RAPGEF2: variants seen among roughly 807,000 people sequenced by gnomAD.
The protein encoded by RAPGEF2 is PDZ domain containing guanine nucleotide exchange factor (GEF) 1.
Under a neutral mutation model 186.7 loss-of-function variants are expected in RAPGEF2, and 54 were observed. That is an observed-to-expected ratio of 0.29 (90% CI 0.23 to 0.36). RAPGEF2 has a LOEUF of 0.36. RAPGEF2 is among the 10% of genes least tolerant of loss of function. The probability of loss-of-function intolerance (pLI) is 1.00; values close to 1 mark genes in which losing one functional copy is unlikely to be tolerated. For missense variants in RAPGEF2, 1,532 were observed against 2,045.0 expected, an observed-to-expected ratio of 0.75 and a Z score of 4.84; for synonymous variants, 712 against 705.9, an observed-to-expected ratio of 1.01 and a Z score of -0.14.
intron 7 of RAPGEF2, among the ~76,000 whole-genome samples, chr4:159,246,985 T>A (rs1351763660): frequency 6.6e-6 from 1 of 152,156 alleles, no homozygotes; most frequent in Non-Finnish European, 1.5e-5. Flanking sequence ...TATGAGAAAT[T>A]ATTCAAATAC....
rs748337803 is a variant in RAPGEF2, at chr4:159,358,347, T to C, written c.*208T>C. ...CTGTGAAGAAATTGCCCTGGCACTT[T>C]TCAGACTTTGTTGCTTGAAATGCAC... is the stretch of plus-strand genomic sequence containing the variant. On this transcript the variant is annotated 3_prime_UTR_variant, in exon 30 of 30. Transcript: ENST00000691494. 25 of 546,770 alleles carry C rather than the reference T, an allele frequency of 4.6e-5. No individual in the cohort carries two copies. The highest frequency in any genetic ancestry group is 5.8e-5 in the Non-Finnish European group (18 of 310,490). The allele number at this position is 546,770 out of a possible 1,614,324, so 33.9% of individuals were successfully genotyped here. A position where few individuals can be genotyped will look rare whatever the true frequency, so the allele number is the denominator to read the frequency against.
chr4:159,349,718 A>G (rs1394306226), intron 25 of RAPGEF2, among the ~76,000 whole-genome samples: 1 of 152,104 alleles, frequency 6.6e-6, no homozygotes, highest in South Asian at 2.1e-4. Context: ...CTTTCCAAGG[A>G]TACAAAACAG....
At chr4:159,118,798 T>C (rs1739345450) in intron 1 of RAPGEF2, among the ~76,000 whole-genome samples, 1 of 152,176 alleles carries the variant, frequency 6.6e-6, no homozygotes, top group African/African-American at 2.4e-5. Context: ...TTGACCAGAC[T>C]GGTCTTGGAT....
At chr4:159,110,257 A>G (rs1738344137) in intron 1 of RAPGEF2, among the ~76,000 whole-genome samples, 1 of 152,148 alleles carries the variant, frequency 6.6e-6, no homozygotes, top group Non-Finnish European at 1.5e-5. Context: ...CTACATGTAC[A>G]TTCTGGGAAT....
chr4:159,143,781 ACT>A (rs771315251), intron 1 of RAPGEF2, among the ~76,000 whole-genome samples: 16 of 152,164 alleles, frequency 1.1e-4, no homozygotes, highest in East Asian at 5.8e-4. Flanking sequence ...GTTTTCTCTG[ACT>A]CTGAGCAAAT....
chr4:159,167,275 T>G (rs1167791169), intron 1 of RAPGEF2, among the ~76,000 whole-genome samples: 1 of 152,190 alleles, frequency 6.6e-6, no homozygotes, highest in Non-Finnish European at 1.5e-5. Flanking sequence ...GGGGGAAATT[T>G]AGTGTGAAGT....
intron 3 of RAPGEF2, among the ~76,000 whole-genome samples, chr4:159,201,178 A>G (rs912462652): frequency 1.3e-5 from 2 of 152,240 alleles, no homozygotes; most frequent in African/African-American, 4.8e-5. Flanking sequence ...AACTTTGTCT[A>G]TCAGCTTATA....
chr4:159,117,059 C>A (rs1034661316), intron 1 of RAPGEF2, among the ~76,000 whole-genome samples: 1 of 152,222 alleles, frequency 6.6e-6, no homozygotes, highest in Admixed American at 6.5e-5. Flanking sequence ...TAAGTTGTAT[C>A]TTATAGTTAT....
intron 7 of RAPGEF2, among the ~76,000 whole-genome samples, chr4:159,292,690 T>C (rs1408716051): frequency 6.6e-6 from 1 of 152,230 alleles, no homozygotes; most frequent in East Asian, 1.9e-4. Flanking sequence ...TCAATAAATT[T>C]TATGAGTCAT....
At chr4:159,153,386 G>A (rs183694617) in intron 1 of RAPGEF2, among the ~76,000 whole-genome samples, 8 of 152,296 alleles carry the variant, frequency 5.3e-5, no homozygotes, top group African/African-American at 1.7e-4. Flanking sequence ...TTCCACAGGA[G>A]ATTGTAAAGT....
intron 1 of RAPGEF2, among the ~76,000 whole-genome samples, chr4:159,178,503 A>T (rs1263651759): frequency 7.0e-6 from 1 of 143,012 alleles, no homozygotes; most frequent in Non-Finnish European, 1.5e-5. Context: ...AGAGCCCAGG[A>T]TGTGGGGTAC....
At chr4:159,140,541 G>A (rs2111161347) in intron 1 of RAPGEF2, among the ~76,000 whole-genome samples, 1 of 152,274 alleles carries the variant, frequency 6.6e-6, no homozygotes, top group South Asian at 2.1e-4. Context: ...ACAAGTATCA[G>A]AGAATTCAGG....
chr4:159,231,519 A>C (rs1266365644), intron 4 of RAPGEF2, among the ~76,000 whole-genome samples: 1 of 152,142 alleles, frequency 6.6e-6, no homozygotes, highest in Non-Finnish European at 1.5e-5. Context: ...AAAAAGAAAG[A>C]ACCTCAAATA....
chr4:159,135,372 A>T (rs961928186), intron 1 of RAPGEF2, among the ~76,000 whole-genome samples: 1 of 152,016 alleles, frequency 6.6e-6, no homozygotes, highest in African/African-American at 2.4e-5. Context: ...ATGGCCAAGT[A>T]ATATTCCATT....
chr4:159,162,809 G>A (rs1241860628), intron 1 of RAPGEF2, among the ~76,000 whole-genome samples: 2 of 152,202 alleles, frequency 1.3e-5, no homozygotes, highest in African/African-American at 2.4e-5. Flanking sequence ...CCAGAGATCA[G>A]TCTGTTACCC....
chr4:159,131,130 G>C (rs1464003402), intron 1 of RAPGEF2, among the ~76,000 whole-genome samples: 3 of 128,278 alleles, frequency 2.3e-5, no homozygotes, highest in East Asian at 4.8e-4. Context: ...GAGAGAGAGA[G>C]ACAGAATTTC....
At chr4:159,174,727 C>G (rs747843681) in intron 1 of RAPGEF2, among the ~76,000 whole-genome samples, 41 of 150,254 alleles carry the variant, frequency 2.7e-4, no homozygotes, top group Non-Finnish European at 5.2e-4. Context: ...TAATTTACTT[C>G]TAGCATTCTT....
intron 3 of RAPGEF2, among the ~76,000 whole-genome samples, chr4:159,206,023 G>A (rs1465283041): frequency 1.3e-5 from 2 of 151,680 alleles, no homozygotes; most frequent in East Asian, 1.9e-4. Context: ...TCCGCCTCCC[G>A]GGTTCACGCC....
intron 1 of RAPGEF2, among the ~76,000 whole-genome samples, chr4:159,171,859 C>T (rs891223758): frequency 2.6e-5 from 4 of 151,970 alleles, no homozygotes; most frequent in Admixed American, 1.3e-4. Context: ...GACAAGTGTC[C>T]CAAGTTTTTG....
Sources: allele counts gnomAD v4.1 joint callset (sites outside exome capture counted in the v4.1 genomes callset), GRCh38; gene constraint gnomAD v4.1.1; transcripts MANE v1.5; gene names NCBI Gene and HGNC (gene_info 2026-07-23, HGNC 2026-07-21).